Variants in MERTK observed in about 807,000 individuals in gnomAD.
MERTK encodes the protein MER proto-oncogene, tyrosine kinase, also known as tyrosine-protein kinase Mer.
In MERTK, 69 loss-of-function variants were observed where a neutral mutation model predicts 99.3. That is an observed-to-expected ratio of 0.70 (90% CI 0.57 to 0.85). The LOEUF (loss-of-function observed/expected upper bound fraction) is 0.85, where lower values mean the gene tolerates loss of function less well. Ranked by LOEUF, MERTK falls within the 40% of genes least tolerant of loss-of-function variation. The probability of loss-of-function intolerance (pLI) is 0.00; values close to 1 mark genes in which losing one functional copy is unlikely to be tolerated. For synonymous variants in MERTK, 426 were observed against 467.6 expected (o/e 0.91, Z 1.15); for missense variants, 1,125 against 1,249.4 (o/e 0.90, Z 1.50).
chr2:111,909,848 A>T (rs1214119722), intron 1 of MERTK, among the ~76,000 whole-genome samples: 1 of 152,142 alleles, frequency 6.6e-6, no homozygotes, highest in Non-Finnish European at 1.5e-5. Flanking sequence ...GTCCGGGAAC[A>T]CTATGAAGAA....
At chr2:111,934,710 T>C (rs1441937662) in intron 2 of MERTK, among the ~76,000 whole-genome samples, 1 of 152,224 alleles carries the variant, frequency 6.6e-6, no homozygotes, top group East Asian at 1.9e-4. Context: ...ATGCAGAAAC[T>C]CTTTAGTTTA....
rs1194926999 is a variant in MERTK, at chr2:111,951,881, A to G, written c.757+4314A>G. 2.0e-5 allele frequency among the ~76,000 whole-genome samples: 3 copies of G among 152,128 alleles called. No individual in the cohort carries two copies. In the East Asian group the frequency reaches 5.8e-4, roughly 29 times the overall value. ...TGATTTTATTTCCCAATTATTTACT[A>G]TTAGTAAATAGAAAATAGATTTTTG... On this transcript the variant is annotated intron_variant, in intron 4 of 18. Transcript: ENST00000295408.
intron 4 of MERTK, among the ~76,000 whole-genome samples, chr2:111,962,446 G>A (rs956845479): frequency 5.3e-5 from 8 of 152,290 alleles, no homozygotes; most frequent in Admixed American, 4.6e-4. Flanking sequence ...GGTGGAGGTT[G>A]TAGTGAGCCG....
At chr2:111,932,003 CTTTA>C (rs1217036326) in intron 2 of MERTK, among the ~76,000 whole-genome samples, 4 of 152,118 alleles carry the variant, frequency 2.6e-5, no homozygotes, top group African/African-American at 9.7e-5. Flanking sequence ...GGACCCATCT[CTTTA>C]GAGTACAGAA....
intron 1 of MERTK, among the ~76,000 whole-genome samples, chr2:111,919,057 G>A (rs149244860): frequency 3.9e-5 from 6 of 152,318 alleles, no homozygotes; most frequent in African/African-American, 7.2e-5. Flanking sequence ...ATGGACAGGT[G>A]ACTTACACAA....
rs1685114095 is a variant in MERTK at position 111,954,535 on chromosome 2, A to C, written c.757+6968A>C. The stretch of plus-strand genomic sequence containing the variant: ...CTGGCACATAAGAACTATGTGAATG[A>C]ATGAATGAACTAATGAGCAAACAAA... On this transcript the variant is annotated intron_variant, in intron 4 of 18. Transcript: ENST00000295408. 2.0e-5 allele frequency among the ~76,000 whole-genome samples: 3 copies of C among 152,266 alleles called. No homozygotes were observed. The South Asian group carries it at 6.2e-4, about 32-fold the overall frequency.
chr2:111,940,830 A>G, intron 2 of MERTK: 2 of 956,214 alleles, frequency 2.1e-6, no homozygotes, highest in Non-Finnish European at 3.4e-6. Context: ...TCTTTAAACG[A>G]CAGTTAACAT....
chr2:111,935,273 C>A (rs182529300), intron 2 of MERTK, among the ~76,000 whole-genome samples: 1 of 152,184 alleles, frequency 6.6e-6, no homozygotes, highest in African/African-American at 2.4e-5. Context: ...GCAAGTTGGG[C>A]AGACCTGGTC....
chr2:112,010,231 A>C, intron 15 of MERTK, 165 bp downstream of exon 15: 1 of 673,400 alleles, frequency 1.5e-6, no homozygotes. Flanking sequence ...GTCTATCCTC[A>C]CAGCAGGCCT....
chr2:111,962,116 A>G (rs1189655021), intron 4 of MERTK, among the ~76,000 whole-genome samples: 1 of 152,226 alleles, frequency 6.6e-6, no homozygotes, highest in African/African-American at 2.4e-5. Context: ...TTTTATGAAG[A>G]TACTACTGTA....
intron 1 of MERTK, among the ~76,000 whole-genome samples, chr2:111,918,529 G>A (rs1443299846): frequency 2.6e-5 from 4 of 152,212 alleles, no homozygotes; most frequent in African/African-American, 9.7e-5. Flanking sequence ...AGACAGTATT[G>A]CCTCAGAGCC....
intron 1 of MERTK, among the ~76,000 whole-genome samples, chr2:111,908,301 T>G (rs956936826): frequency 2.0e-5 from 3 of 152,188 alleles, no homozygotes; most frequent in African/African-American, 4.8e-5. Flanking sequence ...ACCATTATAT[T>G]TTTTCCTCTC....
chr2:111,905,973 A>G (rs79689374), intron 1 of MERTK, among the ~76,000 whole-genome samples: 1 of 152,338 alleles, frequency 6.6e-6, no homozygotes, highest in Non-Finnish European at 1.5e-5. Context: ...AGCTAAGAAC[A>G]TTTATATTTG....
intron 1 of MERTK, among the ~76,000 whole-genome samples, chr2:111,922,369 A>G (rs1389659889): frequency 6.6e-6 from 1 of 152,248 alleles, no homozygotes; most frequent in Non-Finnish European, 1.5e-5. Flanking sequence ...GGTGGAGACC[A>G]TCCCTGGAGA....
rs567867669 is a variant in MERTK at position 111,942,945 on chromosome 2, G to A, written c.483-2015G>A. On this transcript the variant is annotated intron_variant, in intron 2 of 18. Transcript: ENST00000295408. ...AGGATCTGCAAAATGGTATTGTTGGGAAGAAGTAAATTTAAAATGTTTAGT... is the reference window on the plus strand; with the variant it reads ...AGGATCTGCAAAATGGTATTGTTGGAAAGAAGTAAATTTAAAATGTTTAGT... Among the ~76,000 whole-genome samples, 6 of 152,296 alleles carry A rather than the reference G, an allele frequency of 3.9e-5. No individual in the cohort carries two copies. The East Asian group carries it at 1.2e-3, about 29-fold the overall frequency.
chr2:111,964,382 TGTGTGTGTGTGTGTGTGC>T (rs1193398683), intron 4 of MERTK, among the ~76,000 whole-genome samples: 1 of 135,504 alleles, frequency 7.4e-6, no homozygotes, highest in Non-Finnish European at 1.7e-5. Flanking sequence ...TGTGTGTGTG[TGTGTGTGTGTGTGTGTGC>T]GCGCGCGCAC....
rs753317548 is a variant in MERTK, at chr2:112,010,081, G to A, written c.2079+15G>A. 3 of 1,552,066 alleles carry A rather than the reference G, an allele frequency of 1.9e-6. No homozygotes were observed. Among genetic ancestry groups the A allele is most frequent in the Admixed American group, 3.3e-5 (2 of 59,916 alleles). ...CAGGACCAAAGGTAATGATCTCCTT[G>A]TGTTACCCCTGAACACTTCTCAGGG... On this transcript the variant is annotated intron_variant, in intron 15 of 18. Transcript: ENST00000295408.
chr2:111,920,202 G>A (rs987874814), intron 1 of MERTK, among the ~76,000 whole-genome samples: 5 of 152,182 alleles, frequency 3.3e-5, no homozygotes, highest in East Asian at 1.9e-4. Context: ...TGCCAACACC[G>A]TGTTTTACAG....
intron 18 of MERTK, among the ~76,000 whole-genome samples, chr2:112,026,757 A>G (rs924409962): frequency 5.3e-5 from 8 of 152,240 alleles, no homozygotes; most frequent in African/African-American, 1.9e-4. Flanking sequence ...AAGTGGACAG[A>G]TGAAAAGATA....
Sources: gnomAD v4.1 joint callset for allele counts (sites outside exome capture counted in the v4.1 genomes callset) on GRCh38, gnomAD v4.1.1 for gene constraint, MANE v1.5 for transcripts, NCBI Gene and HGNC (gene_info 2026-07-23, HGNC 2026-07-21) for gene names.